Variants in CCDC138 observed in about 807,000 individuals in gnomAD.
CCDC138 encodes the protein coiled-coil domain containing 138.
A neutral mutation model predicts 82.3 loss-of-function variants in CCDC138; 66 were observed. The ratio of observed to expected loss-of-function variants is 0.80; its 90% CI spans 0.66 to 0.98. The LOEUF (loss-of-function observed/expected upper bound fraction) is 0.98. Among genes scored for constraint, CCDC138 ranks in the 50% least tolerant of loss-of-function variants. The pLI is 0.00. For missense variants in CCDC138, 816 were observed against 758.9 expected, an observed-to-expected ratio of 1.08 and a Z score of -0.88; for synonymous variants, 297 against 265.4, an observed-to-expected ratio of 1.12 and a Z score of -1.16.
intron 2 of CCDC138, 129 bp from the exon 3 acceptor site, chr2:108,788,719 CAAAG>C (rs1573892120): frequency 3.1e-6 from 4 of 1,288,440 alleles, no homozygotes; most frequent in East Asian, 5.3e-5. Flanking sequence ...GACTCCGTCT[CAAAG>C]AAAAAAAAAG....
At chr2:108,821,499 A>T (rs915437743) in intron 10 of CCDC138, among the ~76,000 whole-genome samples, 2 of 152,244 alleles carry the variant, frequency 1.3e-5, no homozygotes, top group African/African-American at 4.8e-5. Flanking sequence ...TTGCAAAGAA[A>T]ATACTTACAG....
At chr2:108,816,865 A>T (rs191890313) in intron 10 of CCDC138, among the ~76,000 whole-genome samples, 9 of 152,130 alleles carry the variant, frequency 5.9e-5, no homozygotes, top group South Asian at 4.2e-4. Context: ...GCTAATTTTT[A>T]AAAAAAATTT....
rs202187601 is a variant in CCDC138, at chr2:108,853,840, A to AAT, written c.1517-2944_1517-2943dup. Among the ~76,000 whole-genome samples, 10 of 133,692 alleles carry AAT rather than the reference A, an allele frequency of 7.5e-5. No homozygotes were observed. The East Asian group carries it at 1.0e-3, about 13-fold the overall frequency. The allele number at this position is 133,692 out of a possible 152,430, so 87.7% of individuals were successfully genotyped here. A position where few individuals can be genotyped will look rare whatever the true frequency, so the allele number is the denominator to read the frequency against. ...CCCCAGCCAACTGTCTTCTATATGC[A>AAT]ATATATATATACTATATATATAATA... On this transcript the variant is annotated intron_variant, in intron 12 of 14. Transcript: ENST00000295124.
chr2:108,805,065 A>G (rs1346203750), intron 7 of CCDC138, 57 bp downstream of exon 7: 1 of 974,950 alleles, frequency 1.0e-6, no homozygotes, highest in Non-Finnish European at 1.4e-6. Flanking sequence ...TATATTTTAT[A>G]TATAACAAAT....
rs1684729671 is a variant in CCDC138, at chr2:108,815,993, T to G, written c.1094T>G (p.Ile365Ser). 8.7e-6 allele frequency: 14 copies of G among 1,613,704 alleles called. No individual in the cohort carries two copies. The highest frequency in any genetic ancestry group is 1.2e-5 in the Non-Finnish European group (14 of 1,179,746). Reference sequence around the variant, plus strand: ...CTTTTAACTGTCTTCATGGACTGGATTTCGGATCATCATCTTAGCAAAGTG... The same window carrying G: ...CTTTTAACTGTCTTCATGGACTGGAGTTCGGATCATCATCTTAGCAAAGTG... ...YELLTVFMDW[I>S]SDHHLSKVKH... Residue 365 changes from isoleucine (I) to serine (S), a missense_variant, in exon 10 of 15, where the codon ATT becomes AGT. Transcript: ENST00000295124.
At chr2:108,832,998 C>A (rs11688965) in intron 10 of CCDC138, among the ~76,000 whole-genome samples, 132,260 of 152,184 alleles carry the variant, frequency 0.87, 57,874 homozygotes, top group East Asian at 1. Context: ...GCACATTGCT[C>A]AGTGAAAGAA....
In CCDC138 at chr2:108,846,814, A is replaced by G. The variant is rs191797494; in HGVS notation, c.1400A>G (p.Asp467Gly). The G allele has an allele frequency of 3.7e-6, 6 of 1,612,614 alleles. No individual in the cohort carries two copies. In the African/African-American group the frequency reaches 4.0e-5, roughly 11 times the overall value. ...FKGVVTKGIQDNSPQHSVENK... is the reference protein window; with the variant it reads ...FKGVVTKGIQGNSPQHSVENK... ...GGAGTGGTAACTAAAGGAATTCAGG[A>G]TAATTCTCCACAGCATTCTGTGGAG... The change falls in exon 12 of 15, where the codon GAT (aspartate) becomes GGT (glycine). Residue 467 changes from aspartate to glycine, a missense_variant. Asp to Gly is a moderately conservative substitution (Grantham distance 94). Coordinates refer to ENST00000295124, the MANE Select transcript of CCDC138 (RefSeq NM_144978.3).
At chr2:108,808,519 G>GT (rs1443584877) in intron 7 of CCDC138, among the ~76,000 whole-genome samples, 1 of 152,030 alleles carries the variant, frequency 6.6e-6, no homozygotes, top group Admixed American at 6.6e-5. Flanking sequence ...CCTCACCAAC[G>GT]TTTATTACTT....
intron 12 of CCDC138, among the ~76,000 whole-genome samples, chr2:108,850,309 AG>A (rs1238196673): frequency 6.6e-6 from 1 of 152,230 alleles, no homozygotes; most frequent in East Asian, 1.9e-4. Context: ...GTTGGGTAAT[AG>A]GCAGATGCAT....
At chr2:108,811,179 T>G (rs1475966050) in intron 7 of CCDC138, among the ~76,000 whole-genome samples, 1 of 150,028 alleles carries the variant, frequency 6.7e-6, no homozygotes, top group Non-Finnish European at 1.5e-5. Flanking sequence ...CCTGCCTTCC[T>G]TTTCTGTTTC....
At chr2:108,796,205 C>T (rs920736475) in intron 5 of CCDC138, among the ~76,000 whole-genome samples, 6 of 152,006 alleles carry the variant, frequency 3.9e-5, no homozygotes, top group East Asian at 1.9e-4. Context: ...CCTGCCACCG[C>T]GCCCGGCTAA....
At chr2:108,827,888 A>G (rs1445625607) in intron 10 of CCDC138, among the ~76,000 whole-genome samples, 1 of 152,028 alleles carries the variant, frequency 6.6e-6, no homozygotes, top group Non-Finnish European at 1.5e-5. Context: ...CCTGAAAAAA[A>G]TTCATCAGAG....
chr2:108,865,608 T>C (rs1461965908), intron 13 of CCDC138, among the ~76,000 whole-genome samples: 4 of 152,224 alleles, frequency 2.6e-5, no homozygotes, highest in African/African-American at 9.6e-5. Context: ...ATGCCAGTCC[T>C]ATCCACTTTC....
In CCDC138 at chr2:108,816,002, A is replaced by T. The variant is rs181252503; in HGVS notation, c.1103A>T (p.His368Leu). 1.2e-6 allele frequency: 2 copies of T among 1,613,592 alleles called. No individual in the cohort carries two copies. The highest frequency in any genetic ancestry group is 1.7e-5 in the Admixed American group (1 of 59,870). Residue 368 changes from histidine to leucine, a missense_variant, in exon 10 of 15, where the codon CAT (histidine) becomes CTT (leucine). His to Leu is a moderately conservative substitution (Grantham distance 99, BLOSUM62 -3). Transcript: ENST00000295124. The stretch of plus-strand genomic sequence containing the variant: ...GTCTTCATGGACTGGATTTCGGATC[A>T]TCATCTTAGCAAAGTGAAACATGAA... ...LTVFMDWISD[H>L]HLSKVKHEES...
intron 10 of CCDC138, among the ~76,000 whole-genome samples, chr2:108,827,023 T>A (rs550372285): frequency 6.0e-4 from 91 of 152,360 alleles, no homozygotes; most frequent in African/African-American, 2.1e-3. Context: ...AATCATGTTC[T>A]TAAATTCATT....
chr2:108,806,353 A>G (rs143425221), intron 7 of CCDC138, among the ~76,000 whole-genome samples: 2 of 152,278 alleles, frequency 1.3e-5, no homozygotes, highest in African/African-American at 2.4e-5. Context: ...ATAATTTTGC[A>G]TGTAGTTGCA....
chr2:108,854,392 TTTTG>T (rs146612215), intron 12 of CCDC138, among the ~76,000 whole-genome samples: 10,508 of 151,942 alleles, frequency 0.069, 462 homozygotes, highest in South Asian at 0.15. Context: ...GGAAGGTCTT[TTTTG>T]TTTGTTTGTT....
At chr2:108,792,558 G>A (rs772994253) in intron 4 of CCDC138, among the ~76,000 whole-genome samples, 33 of 152,164 alleles carry the variant, frequency 2.2e-4, no homozygotes, top group African/African-American at 8.0e-4. Context: ...TTGGTGAGTC[G>A]GGAACCTAGA....
intron 10 of CCDC138, among the ~76,000 whole-genome samples, chr2:108,834,933 T>C (rs1428045888): frequency 1.3e-5 from 2 of 152,266 alleles, no homozygotes; most frequent in African/African-American, 4.8e-5. Flanking sequence ...TGTATATCAC[T>C]ATTGGAGATT....
Sources: allele counts gnomAD v4.1 joint callset (sites outside exome capture counted in the v4.1 genomes callset), GRCh38; gene constraint gnomAD v4.1.1; transcripts MANE v1.5; gene names NCBI Gene and HGNC (gene_info 2026-07-23, HGNC 2026-07-21).